Variants in EVL observed in about 807,000 individuals in gnomAD.
The protein encoded by EVL is Enah/Vasp-like.
A neutral mutation model predicts 59.6 loss-of-function variants in EVL; 21 were observed. The ratio of observed to expected loss-of-function variants is 0.35; its 90% confidence interval spans 0.25 to 0.51. The LOEUF (loss-of-function observed/expected upper bound fraction) is 0.51, where lower values mean the gene tolerates loss of function less well. Among genes scored for constraint, EVL ranks in the 20% least tolerant of loss-of-function variants. The probability of loss-of-function intolerance (pLI) is 0.97; values close to 1 mark genes in which losing one functional copy is unlikely to be tolerated. For missense variants in EVL, 462 were observed against 546.6 expected (o/e 0.85, Z 1.54); for synonymous variants, 198 against 203.5 (o/e 0.97, Z 0.23).
chr14:100,107,239 C>T (rs1886628436), intron 3 of EVL: 1 of 398,572 alleles, frequency 2.5e-6, no homozygotes, highest in Admixed American at 4.4e-5. Flanking sequence ...CCCATTACTC[C>T]AGGAGAGCAG....
At chr14:100,037,377 T>C (rs141311089) in intron 1 of EVL, among the ~76,000 whole-genome samples, 2 of 152,344 alleles carry the variant, frequency 1.3e-5, no homozygotes, top group Non-Finnish European at 1.5e-5. Flanking sequence ...TTCTGCTCAG[T>C]GTTCAAGGCT....
chr14:100,124,840 C>T (rs1294883416), intron 4 of EVL, among the ~76,000 whole-genome samples: 3 of 152,174 alleles, frequency 2.0e-5, no homozygotes, highest in African/African-American at 7.2e-5. Flanking sequence ...ACTGGCCGTC[C>T]GGGAATGGGC....
chr14:100,010,713 TGTTC>T (rs2061011542), intron 1 of EVL, among the ~76,000 whole-genome samples: 1 of 152,216 alleles, frequency 6.6e-6, no homozygotes, highest in African/African-American at 2.4e-5. Context: ...TTTGTTTGTT[TGTTC>T]GTACCTCTGT....
intron 1 of EVL, among the ~76,000 whole-genome samples, chr14:99,998,246 G>A (rs1038368150): frequency 8.6e-5 from 13 of 151,732 alleles, no homozygotes; most frequent in Admixed American, 5.3e-4. Flanking sequence ...TCTCAAACGC[G>A]GCTCCAGTGA....
intron 9 of EVL, 70 bp downstream of exon 9, chr14:100,136,038 C>T: frequency 6.5e-7 from 1 of 1,546,492 alleles, no homozygotes; most frequent in South Asian, 1.1e-5. Context: ...ACCCTTCGGA[C>T]AGGACCCTCT....
rs1325697915 is a variant in EVL at position 100,068,662 on chromosome 14, C to A, written c.11+3151C>A. On this transcript the variant is annotated intron_variant, in intron 1 of 13. Transcript: ENST00000392920. Reference sequence around the variant, plus strand: ...TCAGGAAGTGCCGTGGTGCTGTAGCCTCCAGGACTATCTGGTGGATCACAC... The same window carrying A: ...TCAGGAAGTGCCGTGGTGCTGTAGCATCCAGGACTATCTGGTGGATCACAC... Among the ~76,000 whole-genome samples the A allele has an allele frequency of 2.0e-5, 3 of 152,290 alleles. No individual in the cohort carries two copies. In the South Asian group the frequency reaches 6.2e-4, roughly 32 times the overall value.
At chr14:100,137,168 G>A (rs181695599) in intron 9 of EVL, 22 of 235,068 alleles carry the variant, frequency 9.4e-5, no homozygotes, top group African/African-American at 3.7e-4. Context: ...AGAGCCAGGC[G>A]CAGCATGGGA....
chr14:100,140,863 C>T (rs974755338), intron 11 of EVL: 28 of 252,880 alleles, frequency 1.1e-4, no homozygotes, highest in African/African-American at 5.6e-4. Flanking sequence ...AGGGAGGCAA[C>T]GGGTGGGTGC....
chr14:100,006,282 TC>T (rs1270715482), intron 1 of EVL, among the ~76,000 whole-genome samples: 1 of 143,120 alleles, frequency 7.0e-6, no homozygotes, highest in African/African-American at 2.6e-5. Context: ...TGGTTGTTAA[TC>T]TTTTTTTTTT....
chr14:100,028,077 CAGTG>C (rs1442393614), intron 1 of EVL, among the ~76,000 whole-genome samples: 2 of 151,506 alleles, frequency 1.3e-5, no homozygotes, highest in East Asian at 3.9e-4. Flanking sequence ...ATATATTTGA[CAGTG>C]AGATTTCTGG....
chr14:100,057,338 T>C (rs938601393), intron 1 of EVL, among the ~76,000 whole-genome samples: 3 of 152,198 alleles, frequency 2.0e-5, no homozygotes, highest in South Asian at 2.1e-4. Flanking sequence ...GTCACAGATA[T>C]CGGTGAAGAG....
At chr14:100,135,664 C>T in intron 8 of EVL, 1 of 482,078 alleles carries the variant, frequency 2.1e-6, no homozygotes, top group East Asian at 3.8e-5. Context: ...CTATATCACC[C>T]TGCTGAGAGC....
chr14:100,134,318 C>G (rs1168825285), intron 8 of EVL, among the ~76,000 whole-genome samples: 1 of 152,180 alleles, frequency 6.6e-6, no homozygotes. Context: ...AGTCCCAGCC[C>G]CTGAAAACTA....
At chr14:100,124,567 G>A (rs1162725086) in intron 4 of EVL, among the ~76,000 whole-genome samples, 1 of 152,178 alleles carries the variant, frequency 6.6e-6, no homozygotes, top group East Asian at 1.9e-4. Context: ...CTGAAGCCGA[G>A]AATGGAAGTG....
At chr14:99,993,685 CTTTTTTTTTTTTTT>C (rs532512303) in intron 1 of EVL, among the ~76,000 whole-genome samples, 3 of 78,306 alleles carry the variant, frequency 3.8e-5, no homozygotes, top group Non-Finnish European at 7.0e-5. Flanking sequence ...TTCTTTCTTT[CTTTTTTTTTTTTTT>C]TTTTTTTTTT....
chr14:99,986,329 G>A (rs1466049278), intron 1 of EVL, among the ~76,000 whole-genome samples: 1 of 151,024 alleles, frequency 6.6e-6, no homozygotes, highest in Non-Finnish European at 1.5e-5. Flanking sequence ...GTATCCACTG[G>A]CACTGCTTCT....
At chr14:100,022,201 G>A (rs734407) in intron 1 of EVL, among the ~76,000 whole-genome samples, 14,452 of 151,844 alleles carry the variant, frequency 0.095, 970 homozygotes, top group East Asian at 0.28. Context: ...ACACGTGCCT[G>A]TAGGCCTCGT....
chr14:100,074,385 T>C (rs182692919), intron 1 of EVL: 72 of 152,354 alleles, frequency 4.7e-4, no homozygotes, highest in African/African-American at 1.7e-3. Flanking sequence ...TTCAAGATAG[T>C]ATCTGCTGGG....
intron 9 of EVL, 50 bp downstream of exon 9, chr14:100,136,018 G>A: frequency 1.3e-6 from 2 of 1,599,692 alleles, no homozygotes; most frequent in Middle Eastern, 3.3e-4. Flanking sequence ...GTCTCAGAGT[G>A]GGAGGGGGGA....
Sources: allele counts gnomAD v4.1 joint callset (sites outside exome capture counted in the v4.1 genomes callset), GRCh38; gene constraint gnomAD v4.1.1; transcripts MANE v1.5; gene names NCBI Gene and HGNC (gene_info 2026-07-23, HGNC 2026-07-21).